Variants in ADCY9 observed in about 807,000 individuals in gnomAD.
ADCY9 encodes the protein adenylate cyclase type 9.
In ADCY9, 50 loss-of-function variants were observed where a neutral mutation model predicts 101.5. The ratio of observed to expected loss-of-function variants is 0.49; its 90% confidence interval spans 0.39 to 0.62. The LOEUF (loss-of-function observed/expected upper bound fraction) is 0.62, where lower values mean the gene tolerates loss of function less well. Among genes scored for constraint, ADCY9 ranks in the 20% least tolerant of loss-of-function variants. The pLI is 0.00. For synonymous variants in ADCY9, 905 were observed against 769.3 expected (o/e 1.18, Z -2.92); for missense variants, 1,662 against 1,800.4 (o/e 0.92, Z 1.39).
At position 3,963,637 on chromosome 16, in the gene ADCY9, A is replaced by C. The variant is rs2141666825; in HGVS notation, c.*2138T>G. 1 of 324,156 alleles carries C rather than the reference A, an allele frequency of 3.1e-6. No individual in the cohort carries two copies. The highest frequency in any genetic ancestry group is 4.7e-5 in the East Asian group (1 of 21,396). The allele number at this position is 324,156 out of a possible 1,614,324, so 20.1% of individuals were successfully genotyped here. A position where few individuals can be genotyped will look rare whatever the true frequency, so the allele number is the denominator to read the frequency against. On this transcript the variant is annotated 3_prime_UTR_variant, in exon 11 of 11. Transcript: ENST00000294016. ...GAAGGAAATGGGCTTGATGGGGAAG[A>C]AGTGTGTGCGGAGAACTTTGCGGAG...
intron 2 of ADCY9, among the ~76,000 whole-genome samples, chr16:4,017,653 A>C (rs1336342807): frequency 1.3e-5 from 2 of 152,002 alleles, no homozygotes; most frequent in Non-Finnish European, 2.9e-5. Context: ...CAAAAAAAAA[A>C]AAAAAAAGAT....
At chr16:4,110,794 A>G (rs955189874) in intron 2 of ADCY9, among the ~76,000 whole-genome samples, 4 of 152,292 alleles carry the variant, frequency 2.6e-5, no homozygotes, top group Admixed American at 6.5e-5. Context: ...ACGGCCATGG[A>G]AAGAGGCAGT....
intron 2 of ADCY9, among the ~76,000 whole-genome samples, chr16:4,095,376 C>T (rs1022972922): frequency 1.3e-5 from 2 of 149,560 alleles, no homozygotes; most frequent in African/African-American, 4.8e-5. Flanking sequence ...AGAGGACTAA[C>T]ACGTCCCCTT....
chr16:4,077,673 G>A (rs900069283), intron 2 of ADCY9, among the ~76,000 whole-genome samples: 16 of 152,044 alleles, frequency 1.1e-4, no homozygotes, highest in African/African-American at 3.6e-4. Context: ...ATGATTTTCT[G>A]CCAAGAAAAA....
At chr16:4,098,406 G>A (rs2077628) in intron 2 of ADCY9, among the ~76,000 whole-genome samples, 39,942 of 151,788 alleles carry the variant, frequency 0.26, 5,502 homozygotes, top group East Asian at 0.51. Flanking sequence ...GCTAATTTTT[G>A]TATTTTTAGT....
chr16:4,103,592 G>C (rs189598769), intron 2 of ADCY9, among the ~76,000 whole-genome samples: 1 of 152,220 alleles, frequency 6.6e-6, no homozygotes, highest in Non-Finnish European at 1.5e-5. Context: ...CATTTTGTGA[G>C]GCCGAGGTAG....
At chr16:4,082,225 G>A (rs1423964722) in intron 2 of ADCY9, among the ~76,000 whole-genome samples, 23 of 151,694 alleles carry the variant, frequency 1.5e-4, no homozygotes, top group Non-Finnish European at 5.9e-5. Flanking sequence ...AAAAAAAATT[G>A]AAAATTAGCC....
intron 2 of ADCY9, among the ~76,000 whole-genome samples, chr16:4,059,379 G>GCAAAAAAAAAAAAAA (rs34159566): frequency 2.5e-5 from 3 of 118,424 alleles, no homozygotes; most frequent in African/African-American, 6.4e-5. Flanking sequence ...AGAATCCATC[G>GCAAAAAAAAAAAAAA]AAAAAAAAAA....
intron 10 of ADCY9, among the ~76,000 whole-genome samples, chr16:3,972,873 G>T (rs918672897): frequency 2.0e-5 from 3 of 152,088 alleles, no homozygotes; most frequent in Non-Finnish European, 4.4e-5. Flanking sequence ...TGGTGAAAAT[G>T]CACTGAGCTG....
intron 2 of ADCY9, among the ~76,000 whole-genome samples, chr16:4,037,253 G>A (rs566638720): frequency 2.6e-5 from 4 of 152,280 alleles, no homozygotes; most frequent in South Asian, 4.2e-4. Flanking sequence ...AGGAGGTCAA[G>A]GCTGCAGTGA....
Position 4,007,410 on chromosome 16 carries a change from G to A in ADCY9, c.1842C>T (p.Val614=), listed in dbSNP as rs2056373736. ...RGQGTASSGN[V]SDLAQTVKTF... ...TTTTGACAGTCTGCGCCAAGTCACTGACATTCCCTGATGACGCTGTCCCCT... is the reference window on the plus strand; with the variant it reads ...TTTTGACAGTCTGCGCCAAGTCACTAACATTCCCTGATGACGCTGTCCCCT... Residue 614 remains valine (V), a synonymous_variant, in exon 3 of 11, where the codon GTC becomes GTT. Coordinates refer to ENST00000294016, the MANE Select transcript of ADCY9 (RefSeq NM_001116.4). The A allele has an allele frequency of 1.2e-6, 2 of 1,606,300 alleles. No homozygotes were observed. The highest frequency in any genetic ancestry group is 2.2e-5 in the South Asian group (2 of 89,706).
intron 2 of ADCY9, among the ~76,000 whole-genome samples, chr16:4,072,130 G>T (rs1266656174): frequency 6.6e-6 from 1 of 152,156 alleles, no homozygotes; most frequent in African/African-American, 2.4e-5. Flanking sequence ...CACTGGGCCC[G>T]ATCTGTTTTC....
intron 2 of ADCY9, among the ~76,000 whole-genome samples, chr16:4,107,550 CAAAAAAAAAAAAAAAAAA>C (rs61565312): frequency 1.4e-5 from 1 of 72,822 alleles, no homozygotes; most frequent in African/African-American, 6.8e-5. Context: ...GACTCTGTCT[CAAAAAAAAAAAAAAAAAA>C]AAAAAAAAAA....
chr16:3,985,750 C>A (rs1195959130), intron 6 of ADCY9, among the ~76,000 whole-genome samples: 3 of 152,126 alleles, frequency 2.0e-5, no homozygotes, highest in African/African-American at 7.2e-5. Flanking sequence ...CTGCCAGAGG[C>A]CCCGCTCCTC....
chr16:3,986,749 C>T (rs1423647773), intron 6 of ADCY9, among the ~76,000 whole-genome samples: 1 of 152,306 alleles, frequency 6.6e-6, no homozygotes, highest in East Asian at 1.9e-4. Flanking sequence ...TGAGCCACCG[C>T]GCCCGGCCAT....
At chr16:4,010,536 T>C (rs1242787389) in intron 2 of ADCY9, among the ~76,000 whole-genome samples, 1 of 152,246 alleles carries the variant, frequency 6.6e-6, no homozygotes. Context: ...TATTAAGCAC[T>C]TCCTGTTTAC....
At chr16:4,104,190 C>T (rs1217621025) in intron 2 of ADCY9, among the ~76,000 whole-genome samples, 1 of 152,130 alleles carries the variant, frequency 6.6e-6, no homozygotes, top group Admixed American at 6.6e-5. Flanking sequence ...ATAAAAAATT[C>T]CAGTTTTCAA....
rs1567412547 is a variant in ADCY9, at chr16:3,966,004, A to G, written c.3833T>C (p.Ile1278Thr). 2 of 1,614,126 alleles carry G rather than the reference A, an allele frequency of 1.2e-6. No homozygotes were observed. The highest frequency in any genetic ancestry group is 1.3e-5 in the African/African-American group (1 of 75,024). ...GSIGRSPTDE[I>T]ANLVPSVQYV... ...CTGGACAGAAGGCACCAGGTTGGCA[A>G]TCTCGTCTGTGGGAGACCGTCCGAT... Residue 1278 changes from isoleucine (I) to threonine (T), a missense_variant, in exon 11 of 11, where the codon ATT becomes ACT. Around this residue, in one of 5 missense-constraint regions of ADCY9, gnomAD observed 168 missense variants for 155.3 expected, o/e 1.08. Coordinates refer to ENST00000294016, the MANE Select transcript of ADCY9 (RefSeq NM_001116.4).
intron 2 of ADCY9, among the ~76,000 whole-genome samples, chr16:4,110,427 C>T (rs1405517880): frequency 7.0e-5 from 9 of 128,774 alleles, no homozygotes; most frequent in East Asian, 2.4e-4. Context: ...CCTAGGCTGT[C>T]GCCCAGGCTG....
Sources: gnomAD v4.1 joint callset for allele counts (sites outside exome capture counted in the v4.1 genomes callset) on GRCh38, gnomAD v4.1.1 for gene constraint, gnomAD v4.1.1 regional missense constraint, MANE v1.5 for transcripts, NCBI Gene and HGNC (gene_info 2026-07-23, HGNC 2026-07-21) for gene names.